C10orf90: variants seen among roughly 807,000 people sequenced by gnomAD.
The protein encoded by C10orf90 is chromosome 10 open reading frame 90, also known as (E2-independent) E3 ubiquitin-conjugating enzyme FATS.
In C10orf90, 56 loss-of-function variants were observed where a neutral mutation model predicts 62.5. The ratio of observed to expected loss-of-function variants is 0.90; its 90% CI spans 0.72 to 1.12. The LOEUF is 1.12. Among genes scored for constraint, C10orf90 ranks in the 50% most tolerant of loss-of-function variants. C10orf90 has a pLI of 0.00. For synonymous variants in C10orf90, 386 were observed against 340.4 expected (o/e 1.13, Z -1.47); for missense variants, 970 against 880.4 (o/e 1.10, Z -1.29).
chr10:126,622,175 C>T (rs148107679), intron 2 of C10orf90, among the ~76,000 whole-genome samples: 1 of 152,302 alleles, frequency 6.6e-6, no homozygotes, highest in East Asian at 1.9e-4. Context: ...ACTCCTGAAT[C>T]TATCATAGTC....
At chr10:126,437,878 G>A (rs188945390) in intron 7 of C10orf90, among the ~76,000 whole-genome samples, 2 of 152,320 alleles carry the variant, frequency 1.3e-5, no homozygotes, top group East Asian at 3.9e-4. Flanking sequence ...TGGAAGGCCA[G>A]CCTGTGTCCT....
intron 1 of C10orf90, among the ~76,000 whole-genome samples, chr10:126,650,525 T>A (rs1029989165): frequency 2.6e-5 from 4 of 152,070 alleles, no homozygotes; most frequent in Admixed American, 6.6e-5. Flanking sequence ...AGAGGGTAAG[T>A]AACTTGCCCA....
chr10:126,486,252 C>T lies in C10orf90; in HGVS notation c.1534+17705G>A, dbSNP rs11597289. ...GACTTGGGGCCAAAAGTTCACACAA[C>T]CTGCTTACTGTGGACAACCACAAGC... On this transcript the variant is annotated intron_variant, in intron 4 of 9. Transcript: ENST00000488181. Among the ~76,000 whole-genome samples, 1,121 of 152,286 alleles carry T rather than the reference C, an allele frequency of 7.4e-3. 13 individuals carry two copies. The highest frequency in any genetic ancestry group is 0.024 in the Middle Eastern group (7 of 294).
chr10:126,649,020 CTCTCTCTG>C (rs1591173730), intron 1 of C10orf90, among the ~76,000 whole-genome samples: 4 of 76,880 alleles, frequency 5.2e-5, no homozygotes, highest in Admixed American at 1.3e-4. Flanking sequence ...ATATCTCTCT[CTCTCTCTG>C]TCTCTGTCTC....
At chr10:126,493,484 G>T (rs970302989) in intron 4 of C10orf90, among the ~76,000 whole-genome samples, 1 of 151,322 alleles carries the variant, frequency 6.6e-6, no homozygotes, top group African/African-American at 2.4e-5. Context: ...CCTAAGTCTC[G>T]CAAGTAGCTG....
chr10:126,639,507 G>A (rs1025112727), intron 2 of C10orf90, among the ~76,000 whole-genome samples: 4 of 152,134 alleles, frequency 2.6e-5, no homozygotes, highest in Non-Finnish European at 5.9e-5. Context: ...ACACCTCAGA[G>A]GGGGAATTCA....
At chr10:126,565,242 AATATTTATTATATTAT>A (rs1357145599) in intron 2 of C10orf90, among the ~76,000 whole-genome samples, 90 of 45,826 alleles carry the variant, frequency 2.0e-3, no homozygotes, top group Admixed American at 4.5e-3. Flanking sequence ...TATGTAATAT[AATATTTATTATATTAT>A]ATATTTATAT....
chr10:126,617,246 G>C (rs143154462), intron 2 of C10orf90, among the ~76,000 whole-genome samples: 1 of 152,224 alleles, frequency 6.6e-6, no homozygotes, highest in East Asian at 1.9e-4. Context: ...TTAGGAGTTT[G>C]GTCCAATTTG....
At chr10:126,649,100 G>A (rs1437020834) in intron 1 of C10orf90, among the ~76,000 whole-genome samples, 2 of 127,654 alleles carry the variant, frequency 1.6e-5, no homozygotes, top group African/African-American at 6.2e-5. Context: ...CACAATGGAT[G>A]GCAAATTAAC....
chr10:126,641,672 A>C (rs1018374355), intron 2 of C10orf90, among the ~76,000 whole-genome samples: 4 of 152,216 alleles, frequency 2.6e-5, no homozygotes, highest in East Asian at 3.9e-4. Flanking sequence ...GTGATGGGGA[A>C]ATGTTACAAA....
intron 2 of C10orf90, among the ~76,000 whole-genome samples, chr10:126,634,541 T>C (rs1207734630): frequency 2.0e-5 from 3 of 152,154 alleles, no homozygotes; most frequent in African/African-American, 7.2e-5. Flanking sequence ...AGATCCACTA[T>C]ACAACATTGC....
At chr10:126,485,663 G>A (rs1353891230) in intron 4 of C10orf90, among the ~76,000 whole-genome samples, 2 of 152,004 alleles carry the variant, frequency 1.3e-5, no homozygotes, top group African/African-American at 4.8e-5. Flanking sequence ...GGAAATGGCC[G>A]GGCGTGGTGG....
At chr10:126,552,662 T>G (rs2133978884) in intron 2 of C10orf90, among the ~76,000 whole-genome samples, 1 of 152,308 alleles carries the variant, frequency 6.6e-6, no homozygotes, top group East Asian at 1.9e-4. Context: ...TCCTTTCCGC[T>G]TTGCCACGTG....
chr10:126,472,462 C>T (rs1215256149), intron 4 of C10orf90, among the ~76,000 whole-genome samples: 4 of 152,112 alleles, frequency 2.6e-5, no homozygotes, highest in African/African-American at 4.8e-5. Context: ...GTGGGTCACC[C>T]TCTCTCATAC....
At position 126,581,063 on chromosome 10, in the gene C10orf90, C is replaced by T. The variant is rs77065469; in HGVS notation, c.313+65502G>A. On this transcript the variant is annotated intron_variant, in intron 2 of 9. Transcript: ENST00000488181. ...AGGCACTCACAGCTTGTCTGAGCAA[C>T]AACTCGCTTAGACTAGCCGCCGTGC... 2.0e-3 allele frequency among the ~76,000 whole-genome samples: 305 copies of T among 152,282 alleles called. 2 individuals are homozygous for T. The highest frequency in any genetic ancestry group is 6.3e-3 in the African/African-American group (261 of 41,558).
intron 4 of C10orf90, among the ~76,000 whole-genome samples, chr10:126,485,925 G>A (rs894332680): frequency 6.6e-6 from 1 of 151,354 alleles, no homozygotes; most frequent in Non-Finnish European, 1.5e-5. Flanking sequence ...CCAGCCTGGG[G>A]GACAGAGCAA....
rs747764286 is a variant in C10orf90 at position 126,504,336 on chromosome 10, G to C, written c.1155C>G (p.Ser385=). The C allele has an allele frequency of 4.3e-6, 7 of 1,614,050 alleles. No homozygotes were observed. The highest frequency in any genetic ancestry group is 2.2e-5 in the East Asian group (1 of 44,880). Residue 385 remains serine, a synonymous_variant, in exon 4 of 10, where the codon TCC becomes TCG. Transcript: ENST00000488181. The surrounding 1 kb of genome is among the most constrained non-coding windows in gnomAD (Gnocchi z 4.1). ...PQIASPKMHR[S]VLSLNLNCSS... ...TACAATTGAGGTTGAGCGACAGGACGGATCTGTGCATTTTGGGGCTGGCAA... is the reference window on the plus strand; with the variant it reads ...TACAATTGAGGTTGAGCGACAGGACCGATCTGTGCATTTTGGGGCTGGCAA...
chr10:126,504,862 G>A lies in C10orf90; in HGVS notation c.629C>T (p.Ser210Leu). The A allele has an allele frequency of 6.2e-7, 1 of 1,613,040 alleles. No individual in the cohort carries two copies. Residue 210 changes from serine (S) to leucine (L), a missense_variant, in exon 4 of 10, where the codon TCA (serine) becomes TTA (leucine). Ser to Leu is a moderately radical substitution (Grantham distance 145). Coordinates refer to ENST00000488181, the MANE Select transcript of C10orf90 (RefSeq NM_001350921.2). This position sits in a 1 kb window ranked among gnomAD's most constrained non-coding sequence, Gnocchi z 4.1. ...CTCTGCCTCAGGTCCTCGCTCATCTGACGGTGCCGGGATTCCTAATCTGCC... is the reference window on the plus strand; with the variant it reads ...CTCTGCCTCAGGTCCTCGCTCATCTAACGGTGCCGGGATTCCTAATCTGCC... Reference protein sequence around the residue: ...LPGRLGIPAPSDERGPEAELP... With the variant: ...LPGRLGIPAPLDERGPEAELP...
intron 2 of C10orf90, among the ~76,000 whole-genome samples, chr10:126,530,544 A>G (rs1369131979): frequency 2.0e-5 from 3 of 152,164 alleles, no homozygotes; most frequent in Non-Finnish European, 4.4e-5. Flanking sequence ...AACAGAAAGT[A>G]TTAGGACCCC....
Sources: gnomAD v4.1 joint callset for allele counts (sites outside exome capture counted in the v4.1 genomes callset) on GRCh38, gnomAD v4.1.1 for gene constraint, Gnocchi (gnomAD v3.1) non-coding constraint, MANE v1.5 for transcripts, NCBI Gene and HGNC (gene_info 2026-07-23, HGNC 2026-07-21) for gene names.